The following RGL2 variants were observed in gnomAD, a reference collection of about 807,000 sequenced individuals.
RGL2 encodes ral guanine nucleotide dissociation stimulator-like 2.
RGL2 carries 40 observed loss-of-function variants against 84.6 expected under a neutral mutation model. The ratio of observed to expected loss-of-function variants is 0.47; its 90% CI spans 0.37 to 0.62. The LOEUF (loss-of-function observed/expected upper bound fraction) is 0.62. Among genes scored for constraint, RGL2 ranks in the 20% least tolerant of loss-of-function variants. The probability of loss-of-function intolerance (pLI) is 0.00; values close to 1 mark genes in which losing one functional copy is unlikely to be tolerated. For missense variants in RGL2, 865 were observed against 1,019.7 expected (o/e 0.85, Z 2.07); for synonymous variants, 369 against 417.3 (o/e 0.88, Z 1.41).
chr6:33,293,074 C>A lies in RGL2; in HGVS notation c.1949G>T (p.Arg650Leu), dbSNP rs752386398. 3 of 1,614,080 alleles carry A rather than the reference C, an allele frequency of 1.9e-6. No individual in the cohort carries two copies. In the East Asian group the frequency reaches 6.7e-5, roughly 36 times the overall value. Residue 650 changes from arginine to leucine, a missense_variant, in exon 16 of 18, where the codon CGT (arginine) becomes CTT (leucine). Coordinates refer to ENST00000497454, the MANE Select transcript of RGL2 (RefSeq NM_004761.5). This position sits in a 1 kb window ranked among gnomAD's most constrained non-coding sequence, Gnocchi z 7.0. Reference sequence around the variant, plus strand: ...CAACTCCATCTGGACTCGGATGATACGGCAATCAGAGGCCCCTGGCCCAGA... The same window carrying A: ...CAACTCCATCTGGACTCGGATGATAAGGCAATCAGAGGCCCCTGGCCCAGA... ...EGSGPGASDC[R>L]IIRVQMELGE...
chr6:33,292,215 G>A lies in RGL2; in HGVS notation c.2221C>T (p.Pro741Ser), dbSNP rs1349949019. The A allele has an allele frequency of 1.2e-6, 2 of 1,614,110 alleles. No homozygotes were observed. The highest frequency in any genetic ancestry group is 1.7e-6 in the Non-Finnish European group (2 of 1,180,050). The change falls in exon 18 of 18, where the codon CCT (proline) becomes TCT (serine). Residue 741 changes from proline (P) to serine (S), a missense_variant. Coordinates refer to ENST00000497454, the MANE Select transcript of RGL2 (RefSeq NM_004761.5). ...GCAGACGGGCCACTGGTGACGCCAG[G>A]TGTAGCAGTAGAGGACCTTCGCCGC... ...RQRRRSSTAT[P>S]GVTSGPSASG...
upstream of RGL2, among the ~76,000 whole-genome samples, chr6:33,299,498 A>G (rs1229122826): frequency 6.6e-6 from 1 of 151,928 alleles, no homozygotes; most frequent in Non-Finnish European, 1.5e-5. The surrounding 1 kb of genome is among the most constrained non-coding windows in gnomAD (Gnocchi z 5.0). Flanking sequence ...CGGCGCCGAG[A>G]CCGAGATCCC....
At chr6:33,299,757 C>T (rs1581729737), upstream of RGL2, 1 of 152,458 alleles carries the variant, frequency 6.6e-6, no homozygotes, top group African/African-American at 2.4e-5. This position sits in a 1 kb window ranked among gnomAD's most constrained non-coding sequence, Gnocchi z 5.0. Flanking sequence ...GTGGGTCTGG[C>T]CGACCGTCCT....
upstream of RGL2, chr6:33,299,310 C>A (rs1238519900): frequency 6.6e-6 from 1 of 152,244 alleles, no homozygotes; most frequent in Non-Finnish European, 1.5e-5. This position sits in a 1 kb window ranked among gnomAD's most constrained non-coding sequence, Gnocchi z 5.0. Context: ...GCGTTTCAGG[C>A]GGAGAGAGAG....
rs531714894 is a variant in RGL2 at position 33,298,217 on chromosome 6, C to G, written c.156+238G>C. The G allele has an allele frequency of 1.9e-4, 86 of 456,886 alleles. No homozygotes were observed. Among genetic ancestry groups the G allele is most frequent in the African/African-American group, 1.6e-3 (78 of 48,552 alleles). The allele number at this position is 456,886 out of a possible 1,614,324, so 28.3% of individuals were successfully genotyped here. On this transcript the variant is annotated intron_variant, in intron 2 of 17. Coordinates refer to ENST00000497454, the MANE Select transcript of RGL2 (RefSeq NM_004761.5). The surrounding 1 kb of genome is among the most constrained non-coding windows in gnomAD (Gnocchi z 4.8). ...GGGCCAAAGACCCGCAGGGACAGGA[C>G]AGCCAGCCAGAAGTTCCAGGCAGGA... is the stretch of plus-strand genomic sequence containing the variant.
At position 33,291,786 on chromosome 6, in the gene RGL2, A is replaced by T; in HGVS notation, c.*316T>A. ...CTCTGCCCTGGGGCTCAGAGCCTTG[A>T]AGCCTTTGCTTGGCCCTTGCATGTT... is the stretch of plus-strand genomic sequence containing the variant. On this transcript the variant is annotated 3_prime_UTR_variant, in exon 18 of 18. Transcript: ENST00000497454. 1 of 534,168 alleles carries T rather than the reference A, an allele frequency of 1.9e-6. No individual in the cohort carries two copies. The allele number at this position is 534,168 out of a possible 1,614,324, so 33.1% of individuals were successfully genotyped here. A position where few individuals can be genotyped will look rare whatever the true frequency, so the allele number is the denominator to read the frequency against.
In RGL2 at chr6:33,296,390, G is replaced by C; in HGVS notation, c.470+24C>G. On this transcript the variant is annotated intron_variant, in intron 5 of 17. Transcript: ENST00000497454. The surrounding 1 kb of genome is among the most constrained non-coding windows in gnomAD (Gnocchi z 5.0). ...GCAGCCTGGGCAGAGGGGACTGTGAGATTAAGAACCAGGGGTCACTCACTC... is the reference window on the plus strand; with the variant it reads ...GCAGCCTGGGCAGAGGGGACTGTGACATTAAGAACCAGGGGTCACTCACTC... The C allele has an allele frequency of 6.2e-7, 1 of 1,608,084 alleles. No individual in the cohort carries two copies. The highest frequency in any genetic ancestry group is 8.5e-7 in the Non-Finnish European group (1 of 1,176,756).
rs1041236050 is a variant in RGL2 at position 33,298,286 on chromosome 6, A to G, written c.156+169T>C. On this transcript the variant is annotated intron_variant, in intron 2 of 17. Coordinates refer to ENST00000497454, the MANE Select transcript of RGL2 (RefSeq NM_004761.5). This position sits in a 1 kb window ranked among gnomAD's most constrained non-coding sequence, Gnocchi z 4.8. ...GGCAGGTCCTGAGTCACACTGACAG[A>G]GAACCACGGAGACGCCAGGACTCCC... is the stretch of plus-strand genomic sequence containing the variant. 1.8e-6 allele frequency: 1 copy of G among 554,174 alleles called. No individual in the cohort carries two copies. Among genetic ancestry groups the G allele is most frequent in the Non-Finnish European group, 3.3e-6 (1 of 306,504 alleles). The allele number at this position is 554,174 out of a possible 1,614,324, so 34.3% of individuals were successfully genotyped here.
chr6:33,292,965 G>A (rs1361507444), intron 16 of RGL2, 51 bp downstream of exon 16: 2 of 1,608,052 alleles, frequency 1.2e-6, no homozygotes. Context: ...AACATTTATA[G>A]TCCAACAAGA....
Position 33,294,958 on chromosome 6 carries a change from C to A in RGL2, c.1278+19G>T. ...TCATAATCACCACCCCCACGCCCACCACCCCGCTAGTCACTCACCCCACCC... is the reference window on the plus strand; with the variant it reads ...TCATAATCACCACCCCCACGCCCACAACCCCGCTAGTCACTCACCCCACCC... On this transcript the variant is annotated intron_variant, in intron 10 of 17. Transcript: ENST00000497454. The surrounding 1 kb of genome is among the most constrained non-coding windows in gnomAD (Gnocchi z 5.0). The A allele has an allele frequency of 6.4e-7, 1 of 1,561,814 alleles. No individual in the cohort carries two copies. The highest frequency in any genetic ancestry group is 8.7e-7 in the Non-Finnish European group (1 of 1,153,292).
At chr6:33,300,954 A>G (rs1357910271), upstream of RGL2, 3 of 144,546 alleles carry the variant, frequency 2.1e-5, no homozygotes, top group African/African-American at 7.8e-5. Flanking sequence ...CGACAGAGCG[A>G]GACTCCGTCT....
In RGL2 at chr6:33,296,884, T is replaced by C. The variant is rs1768026394; in HGVS notation, c.241-108A>G. The C allele has an allele frequency of 1.3e-6, 2 of 1,532,232 alleles. No homozygotes were observed. The highest frequency in any genetic ancestry group is 2.3e-5 in the East Asian group (1 of 44,388). 94.9% of individuals were successfully genotyped at this position (1,532,232 alleles called of 1,614,324 possible). ...TGTTCCAGACTCATTTTTCTGATAT[T>C]CAGAGAGGGCAAGAGTCTTGGCCTA... is the stretch of plus-strand genomic sequence containing the variant. On this transcript the variant is annotated intron_variant, in intron 3 of 17. Transcript: ENST00000497454. The surrounding 1 kb of genome is among the most constrained non-coding windows in gnomAD (Gnocchi z 5.0).
At position 33,291,913 on chromosome 6, in the gene RGL2, A is replaced by G; in HGVS notation, c.*189T>C. ...CTATACACAGGTATCCAACTTGGTT[A>G]TAAGACACCAGTTCCCACAGGGCTG... On this transcript the variant is annotated 3_prime_UTR_variant, in exon 18 of 18. Transcript: ENST00000497454. 1 of 638,142 alleles carries G rather than the reference A, an allele frequency of 1.6e-6. No individual in the cohort carries two copies. The highest frequency in any genetic ancestry group is 2.7e-5 in the East Asian group (1 of 36,778). The allele number at this position is 638,142 out of a possible 1,614,324, so 39.5% of individuals were successfully genotyped here. A position where few individuals can be genotyped will look rare whatever the true frequency, so the allele number is the denominator to read the frequency against.
chr6:33,299,038 A>T (rs561397868), upstream of RGL2: 55 of 155,562 alleles, frequency 3.5e-4, 1 homozygote, highest in East Asian at 0.01. This position sits in a 1 kb window ranked among gnomAD's most constrained non-coding sequence, Gnocchi z 5.0. Context: ...CCGCTCCGAG[A>T]GCAGGAGCCA....
Position 33,293,101 on chromosome 6 carries a change from C to T in RGL2, c.1922G>A (p.Gly641Glu). Residue 641 changes from glycine to glutamate, a missense_variant, in exon 16 of 18, where the codon GGA becomes GAA. Around this residue, in one of 5 missense-constraint regions of RGL2, gnomAD observed 302 missense variants for 327.9 expected, o/e 0.92. Transcript: ENST00000497454. This position sits in a 1 kb window ranked among gnomAD's most constrained non-coding sequence, Gnocchi z 7.0. ...GCAATCAGAGGCCCCTGGCCCAGAT[C>T]CCTCTCCCCCATATCCAGTCCCCCC... Reference protein sequence around the residue: ...ASGGTGYGGEGSGPGASDCRI... With the variant: ...ASGGTGYGGEESGPGASDCRI... 3 of 1,614,166 alleles carry T rather than the reference C, an allele frequency of 1.9e-6. No individual in the cohort carries two copies. Among genetic ancestry groups the T allele is most frequent in the Non-Finnish European group, 2.5e-6 (3 of 1,180,016 alleles).
At position 33,298,250 on chromosome 6, in the gene RGL2, AG is replaced by A. The variant is rs144822706; in HGVS notation, c.156+204del. The stretch of plus-strand genomic sequence containing the variant: ...CAGAAGTTCCAGGCAGGAACAGGGC[AG>A]GTTCCTGCGGGCAGGTCCTGAGTCA... On this transcript the variant is annotated intron_variant, in intron 2 of 17. Transcript: ENST00000497454. This position sits in a 1 kb window ranked among gnomAD's most constrained non-coding sequence, Gnocchi z 4.8. 15,915 of 511,770 alleles carry A rather than the reference AG, an allele frequency of 0.031. 344 individuals are homozygous for A. Among genetic ancestry groups the A allele is most frequent in the Non-Finnish European group, 0.036 (10,048 of 281,772 alleles). 31.7% of individuals were successfully genotyped at this position (511,770 alleles called of 1,614,324 possible).
rs752386398 is a variant in RGL2 at position 33,293,074 on chromosome 6, C to T, written c.1949G>A (p.Arg650His). The part of the protein sequence containing the change: ...EGSGPGASDC[R>H]IIRVQMELGE... ...CAACTCCATCTGGACTCGGATGATA[C>T]GGCAATCAGAGGCCCCTGGCCCAGA... Residue 650 changes from arginine to histidine, a missense_variant, in exon 16 of 18, where the codon CGT becomes CAT. By Grantham distance (29) the Arg-to-His change is conservative (BLOSUM62 0). Coordinates refer to ENST00000497454, the MANE Select transcript of RGL2 (RefSeq NM_004761.5). The surrounding 1 kb of genome is among the most constrained non-coding windows in gnomAD (Gnocchi z 7.0). 2.2e-5 allele frequency: 35 copies of T among 1,614,080 alleles called. No individual in the cohort carries two copies. Among genetic ancestry groups the T allele is most frequent in the African/African-American group, 1.2e-4 (9 of 74,936 alleles).
chr6:33,292,178 G>A lies in RGL2; in HGVS notation c.2258C>T (p.Pro753Leu). ...GGAGCCCCCTCCTCCCTCACTCGGA[G>A]GAGTTCCTGAGGCAGACGGGCCACT... ...VTSGPSASGT[P>L]PSEGGGGSFP... Residue 753 changes from proline to leucine, a missense_variant, in exon 18 of 18, where the codon CCT (proline) becomes CTT (leucine). Around this residue, in one of 5 missense-constraint regions of RGL2, gnomAD observed 302 missense variants for 327.9 expected, o/e 0.92. Transcript: ENST00000497454. 1 of 1,614,226 alleles carries A rather than the reference G, an allele frequency of 6.2e-7. No homozygotes were observed. The highest frequency in any genetic ancestry group is 1.1e-5 in the South Asian group (1 of 91,090).
Position 33,295,159 on chromosome 6 carries a change from T to C in RGL2, c.1177A>G (p.Asn393Asp). 6.2e-7 allele frequency: 1 copy of C among 1,607,906 alleles called. No individual in the cohort carries two copies. Among genetic ancestry groups the C allele is most frequent in the East Asian group, 2.2e-5 (1 of 44,814 alleles). The change falls in exon 9 of 18, where the codon AAT (asparagine) becomes GAT (aspartate). Residue 393 changes from asparagine (N) to aspartate (D), a missense_variant. By Grantham distance (23) the Asn-to-Asp change is conservative. This residue lies in a region of RGL2 where 455 missense variants were observed against 507.8 expected (regional missense o/e 0.90). Transcript: ENST00000497454. This position sits in a 1 kb window ranked among gnomAD's most constrained non-coding sequence, Gnocchi z 7.2. ...AGCAGCTCCCGACTCTGGGAATAAT[T>C]ATCCTCCTCGGAGAAAATCTGGCAG... ...SLCQIFSEED[N>D]YSQSRELLVQ...
Sources: gnomAD v4.1 joint callset for allele counts (sites outside exome capture counted in the v4.1 genomes callset) on GRCh38, gnomAD v4.1.1 for gene constraint, gnomAD v4.1.1 regional missense constraint, Gnocchi (gnomAD v3.1) non-coding constraint, MANE v1.5 for transcripts, NCBI Gene and HGNC (gene_info 2026-07-23, HGNC 2026-07-21) for gene names.